C12orf50: variants seen among roughly 807,000 people sequenced by gnomAD.
The protein encoded by C12orf50 is uncharacterized protein C12orf50.
A neutral mutation model predicts 61.6 loss-of-function variants in C12orf50; 35 were observed. The observed-to-expected ratio is 0.57, with a 90% CI of 0.43 to 0.75. The LOEUF (loss-of-function observed/expected upper bound fraction) is 0.75, where lower values mean the gene tolerates loss of function less well. Ranked by LOEUF, C12orf50 falls within the 30% of genes least tolerant of loss-of-function variation. C12orf50 has a pLI of 0.00. For missense variants in C12orf50, 475 were observed against 488.5 expected, an observed-to-expected ratio of 0.97 and a Z score of 0.26; for synonymous variants, 178 against 161.5, an observed-to-expected ratio of 1.10 and a Z score of -0.77.
At chr12:87,991,849 T>C (rs937721008) in intron 7 of C12orf50, among the ~76,000 whole-genome samples, 8 of 152,174 alleles carry the variant, frequency 5.3e-5, no homozygotes, top group African/African-American at 1.7e-4. Context: ...ACTGGAAATA[T>C]TGTCTGTCAA....
At chr12:88,023,229 AC>A (rs1376812505) in intron 3 of C12orf50, among the ~76,000 whole-genome samples, 1 of 150,506 alleles carries the variant, frequency 6.6e-6, no homozygotes, top group African/African-American at 2.5e-5. Flanking sequence ...CTAATCTTTG[AC>A]AAAGGTGACA....
In C12orf50 at chr12:87,982,156, A is replaced by G. The variant is rs140001349; in HGVS notation, c.1219+947T>C. ...GGAGGATCATAGGAGAAAAGGCTAT[A>G]GAGCTCAACAATTTCAAGTTTCACC... On this transcript the variant is annotated intron_variant, in intron 12 of 12. Coordinates refer to ENST00000298699, the MANE Select transcript of C12orf50 (RefSeq NM_152589.3). Among the ~76,000 whole-genome samples, 499 of 152,266 alleles carry G rather than the reference A, an allele frequency of 3.3e-3. 2 individuals carry two copies. Among genetic ancestry groups the G allele is most frequent in the African/African-American group, 0.011 (463 of 41,566 alleles).
intron 3 of C12orf50, among the ~76,000 whole-genome samples, chr12:88,004,130 C>T (rs2031760918): frequency 6.6e-6 from 1 of 152,014 alleles, no homozygotes; most frequent in African/African-American, 2.4e-5. Context: ...AGTTTTTACC[C>T]ATTGATAGTC....
chr12:87,980,781 T>A (rs1426739057), intron 12 of C12orf50, among the ~76,000 whole-genome samples: 1 of 152,180 alleles, frequency 6.6e-6, no homozygotes, highest in Non-Finnish European at 1.5e-5. Context: ...TGCATTCTCC[T>A]CTATTATTGC....
chr12:88,017,872 C>T (rs1055643356), intron 3 of C12orf50, among the ~76,000 whole-genome samples: 1 of 151,280 alleles, frequency 6.6e-6, no homozygotes, highest in Non-Finnish European at 1.5e-5. Context: ...AGGTATCTGG[C>T]AGAAGAAATT....
intron 3 of C12orf50, among the ~76,000 whole-genome samples, chr12:88,016,342 A>G (rs543828441): frequency 6.6e-6 from 1 of 152,288 alleles, no homozygotes; most frequent in African/African-American, 2.4e-5. Context: ...AGATATTCAC[A>G]AAGGTATTAC....
intron 4 of C12orf50, 28 bp downstream of exon 4, chr12:87,998,007 T>C: frequency 6.3e-7 from 1 of 1,586,368 alleles, no homozygotes; most frequent in South Asian, 1.1e-5. Flanking sequence ...TGAATGTGTA[T>C]TGTAAACCTG....
At position 87,980,211 on chromosome 12, in the gene C12orf50, G is replaced by T; in HGVS notation, c.*120C>A. The T allele has an allele frequency of 2.1e-6, 2 of 951,882 alleles. No homozygotes were observed. Among genetic ancestry groups the T allele is most frequent in the Non-Finnish European group, 3.3e-6 (2 of 613,598 alleles). The allele number at this position is 951,882 out of a possible 1,614,324, so 59.0% of individuals were successfully genotyped here. A position where few individuals can be genotyped will look rare whatever the true frequency, so the allele number is the denominator to read the frequency against. Reference sequence around the variant, plus strand: ...AGAATTTGCATTTTTATCATCTTTGGCTATCCACTACATAACATGGAGTAC... The same window carrying T: ...AGAATTTGCATTTTTATCATCTTTGTCTATCCACTACATAACATGGAGTAC... On this transcript the variant is annotated 3_prime_UTR_variant, in exon 13 of 13. Transcript: ENST00000298699.
rs2136403306 is a variant in C12orf50 at position 87,985,841 on chromosome 12, G to A, written c.1126+9C>T. 1 of 1,611,302 alleles carries A rather than the reference G, an allele frequency of 6.2e-7. No homozygotes were observed. Among genetic ancestry groups the A allele is most frequent in the Non-Finnish European group, 8.5e-7 (1 of 1,179,008 alleles). On this transcript the variant is annotated intron_variant, in intron 11 of 12. Transcript: ENST00000298699. ...GACAAGAGTAAACCACATCAACAAA[G>A]GACCTCACCTGGACTGAGGTTGGGT...
chr12:88,016,752 T>C (rs978858911), intron 3 of C12orf50, among the ~76,000 whole-genome samples: 6 of 152,144 alleles, frequency 3.9e-5, no homozygotes, highest in African/African-American at 1.4e-4. Flanking sequence ...AAAATAAAGA[T>C]TCTTGCTCTT....
chr12:88,002,204 A>T (rs1231733219), intron 3 of C12orf50, among the ~76,000 whole-genome samples: 1 of 151,722 alleles, frequency 6.6e-6, no homozygotes, highest in East Asian at 1.9e-4. Context: ...CTTTTACTAA[A>T]CACAAAGTAT....
chr12:88,029,570 T>C (rs1257778392), upstream of C12orf50, among the ~76,000 whole-genome samples: 2 of 152,098 alleles, frequency 1.3e-5, no homozygotes, highest in East Asian at 3.8e-4. Flanking sequence ...AAAAATAAAA[T>C]AGCATACTTT....
At chr12:88,003,576 C>T (rs2031736639) in intron 3 of C12orf50, among the ~76,000 whole-genome samples, 1 of 151,988 alleles carries the variant, frequency 6.6e-6, no homozygotes, top group African/African-American at 2.4e-5. Flanking sequence ...GCATTTAAAA[C>T]TAGTTTTCTG....
chr12:87,988,054 T>G, intron 8 of C12orf50, 88 bp from the exon 9 acceptor site: 1 of 710,934 alleles, frequency 1.4e-6, no homozygotes. Context: ...AAACATTACA[T>G]AATGGGAACA....
At chr12:88,002,280 C>T (rs955688539) in intron 3 of C12orf50, among the ~76,000 whole-genome samples, 8 of 151,594 alleles carry the variant, frequency 5.3e-5, no homozygotes, top group African/African-American at 1.9e-4. Context: ...ATTTAATTTC[C>T]ATATATTTGT....
chr12:88,020,430 T>A (rs1302012415), intron 3 of C12orf50, among the ~76,000 whole-genome samples: 1 of 151,966 alleles, frequency 6.6e-6, no homozygotes, highest in African/African-American at 2.4e-5. Context: ...ACCAACAAGA[T>A]TAAAAAACAT....
intron 11 of C12orf50, 164 bp downstream of exon 11, chr12:87,985,686 C>A (rs1441292159): frequency 1.3e-5 from 9 of 680,780 alleles, no homozygotes; most frequent in Non-Finnish European, 2.0e-5. Flanking sequence ...AAATCATGTG[C>A]AGGACTGCAC....
chr12:87,982,067 G>A (rs1321015070), intron 12 of C12orf50, among the ~76,000 whole-genome samples: 1 of 152,050 alleles, frequency 6.6e-6, no homozygotes, highest in African/African-American at 2.4e-5. Flanking sequence ...GACAAGAGAA[G>A]TCATTAAGAC....
At chr12:88,011,642 T>C (rs2032114059) in intron 3 of C12orf50, among the ~76,000 whole-genome samples, 1 of 152,170 alleles carries the variant, frequency 6.6e-6, no homozygotes, top group African/African-American at 2.4e-5. Flanking sequence ...ATGTGGTAGG[T>C]TGATATTTCA....
Sources: gnomAD v4.1 joint callset for allele counts (sites outside exome capture counted in the v4.1 genomes callset) on GRCh38, gnomAD v4.1.1 for gene constraint, MANE v1.5 for transcripts, NCBI Gene and HGNC (gene_info 2026-07-23, HGNC 2026-07-21) for gene names.